FAT3: variants seen among roughly 807,000 people sequenced by gnomAD.
The protein encoded by FAT3 is FAT atypical cadherin 3, also known as protocadherin Fat 3.
In FAT3, 95 loss-of-function variants were observed where a neutral mutation model predicts 310.2. The ratio of observed to expected loss-of-function variants is 0.31; its 90% CI spans 0.26 to 0.36. The LOEUF (loss-of-function observed/expected upper bound fraction) is 0.36. Ranked by LOEUF, FAT3 falls within the 10% of genes least tolerant of loss-of-function variation. FAT3 has a pLI of 1.00. For missense variants in FAT3, 5,408 were observed against 5,715.6 expected, an observed-to-expected ratio of 0.95 and a Z score of 1.74; for synonymous variants, 2,314 against 2,192.9, an observed-to-expected ratio of 1.06 and a Z score of -1.54.
chr11:92,278,800 G>A (rs943836549), intron 1 of FAT3, among the ~76,000 whole-genome samples: 9 of 152,132 alleles, frequency 5.9e-5, no homozygotes, highest in Non-Finnish European at 1.2e-4. Flanking sequence ...GTAGCGATTA[G>A]TAAAGGTATG....
At chr11:92,649,871 GTTCA>G (rs1270899938) in intron 3 of FAT3, among the ~76,000 whole-genome samples, 4,679 of 113,776 alleles carry the variant, frequency 0.041, 216 homozygotes, top group East Asian at 0.07. Flanking sequence ...CACTTTGTAT[GTTCA>G]TATATATATA....
At chr11:92,515,248 T>C (rs1953439734) in intron 2 of FAT3, among the ~76,000 whole-genome samples, 1 of 152,106 alleles carries the variant, frequency 6.6e-6, no homozygotes, top group Non-Finnish European at 1.5e-5. Context: ...TGTTGGGTAA[T>C]GGGTTATGAA....
intron 3 of FAT3, among the ~76,000 whole-genome samples, chr11:92,534,216 A>G (rs1372172985): frequency 1.3e-5 from 2 of 151,964 alleles, no homozygotes; most frequent in Admixed American, 6.6e-5. Flanking sequence ...AGGTCTACTC[A>G]CTGTCTCGAG....
intron 2 of FAT3, among the ~76,000 whole-genome samples, chr11:92,524,006 T>C (rs1953770591): frequency 6.6e-6 from 1 of 152,102 alleles, no homozygotes; most frequent in Admixed American, 6.5e-5. Context: ...ATGGAACTCG[T>C]TTGGAACGTG....
chr11:92,420,846 C>T (rs1445275261), intron 2 of FAT3, among the ~76,000 whole-genome samples: 1 of 152,074 alleles, frequency 6.6e-6, no homozygotes, highest in African/African-American at 2.4e-5. Flanking sequence ...GAAACAGTAA[C>T]TCAATTGATT....
At chr11:92,283,659 C>T (rs1352841579) in intron 1 of FAT3, among the ~76,000 whole-genome samples, 1 of 152,130 alleles carries the variant, frequency 6.6e-6, no homozygotes, top group Admixed American at 6.6e-5. Context: ...CTTGTCTTAC[C>T]CCTTCTCAGT....
Position 92,309,362 on chromosome 11 carries a change from G to A in FAT3, c.-17-42734G>A, listed in dbSNP as rs566985258. ...TCCATACATTGGTGCTTGCACTCTC[G>A]CACTCTTTTACACACACGCATGCAC... On this transcript the variant is annotated intron_variant, in intron 1 of 27. Coordinates refer to ENST00000525166, the MANE Select transcript of FAT3 (RefSeq NM_001367949.2). 1.2e-4 allele frequency among the ~76,000 whole-genome samples: 14 copies of A among 117,836 alleles called. No homozygotes were observed. In the East Asian group the frequency reaches 3.0e-3, roughly 25 times the overall value. The allele number at this position is 117,836 out of a possible 152,430, so 77.3% of individuals were successfully genotyped here.
intron 19 of FAT3, among the ~76,000 whole-genome samples, chr11:92,853,143 T>A (rs1194411038): frequency 6.6e-6 from 1 of 152,206 alleles, no homozygotes; most frequent in Non-Finnish European, 1.5e-5. Flanking sequence ...GAGGGGTGTG[T>A]GGGCCACTGC....
chr11:92,657,406 T>C (rs530949729), intron 3 of FAT3, among the ~76,000 whole-genome samples: 1 of 152,370 alleles, frequency 6.6e-6, no homozygotes, highest in African/African-American at 2.4e-5. Context: ...TTGATTATTC[T>C]CTGCATTGTG....
chr11:92,354,070 T>C lies in FAT3; in HGVS notation c.1958T>C (p.Ile653Thr). The change falls in exon 2 of 28, where the codon ATT (isoleucine) becomes ACT (threonine). Residue 653 changes from isoleucine (I) to threonine (T), a missense_variant. Ile to Thr is a moderately conservative substitution (Grantham distance 89). Around this residue, in one of 5 missense-constraint regions of FAT3, gnomAD observed 4,588 missense variants for 4,809.8 expected, o/e 0.95. Transcript: ENST00000525166. ...AAAAATGGCAATTTTGCCCTCAGAA[T>C]TACAGCAACTGATGGAGAGAATCTT... ...GIKNGNFALR[I>T]TATDGENLAD... The C allele has an allele frequency of 6.2e-7, 1 of 1,613,750 alleles. No homozygotes were observed. Among genetic ancestry groups the C allele is most frequent in the Non-Finnish European group, 8.5e-7 (1 of 1,179,824 alleles).
intron 7 of FAT3, among the ~76,000 whole-genome samples, chr11:92,778,453 T>C (rs1160216510): frequency 6.6e-6 from 1 of 152,172 alleles, no homozygotes; most frequent in East Asian, 1.9e-4. Flanking sequence ...TGCCTTCTTA[T>C]CCAGACCCCT....
chr11:92,612,319 A>C (rs142733250), intron 3 of FAT3, among the ~76,000 whole-genome samples: 8 of 152,364 alleles, frequency 5.3e-5, no homozygotes, highest in African/African-American at 1.7e-4. Flanking sequence ...CCCATGCCCA[A>C]TAATGAGAAT....
In FAT3 at chr11:92,353,699, C is replaced by A; in HGVS notation, c.1587C>A (p.Ser529Arg). ...TTAATCAGTTTACAGGTGTTATTAG[C>A]ACAACTGAAGAACTGGATTTTGAAT... Reference protein sequence around the residue: ...FVINQFTGVISTTEELDFESS... With the variant: ...FVINQFTGVIRTTEELDFESS... The change falls in exon 2 of 28, where the codon AGC (serine) becomes AGA (arginine). Residue 529 changes from serine (S) to arginine (R), a missense_variant. Ser to Arg is a moderately radical substitution (Grantham distance 110). This residue lies in a region of FAT3 where 4,588 missense variants were observed against 4,809.8 expected (regional missense o/e 0.95). Coordinates refer to ENST00000525166, the MANE Select transcript of FAT3 (RefSeq NM_001367949.2). The A allele has an allele frequency of 6.2e-7, 1 of 1,613,898 alleles. No homozygotes were observed. Among genetic ancestry groups the A allele is most frequent in the Non-Finnish European group, 8.5e-7 (1 of 1,179,876 alleles).
At chr11:92,497,756 C>T (rs911750921) in intron 2 of FAT3, among the ~76,000 whole-genome samples, 6 of 152,014 alleles carry the variant, frequency 3.9e-5, no homozygotes, top group African/African-American at 1.4e-4. Context: ...CACTTAAAAG[C>T]AAATTTGGAG....
intron 23 of FAT3, among the ~76,000 whole-genome samples, chr11:92,881,733 T>C (rs1949674423): frequency 6.6e-6 from 1 of 152,068 alleles, no homozygotes; most frequent in African/African-American, 2.4e-5. Context: ...AAAAAGAAGG[T>C]CTATGTTCTC....
chr11:92,678,381 A>G (rs375186507), intron 3 of FAT3, among the ~76,000 whole-genome samples: 8 of 152,078 alleles, frequency 5.3e-5, no homozygotes, highest in East Asian at 3.9e-4. Context: ...CTTTTGATTC[A>G]GTTCTAGGAA....
At chr11:92,517,037 G>A (rs994879817) in intron 2 of FAT3, among the ~76,000 whole-genome samples, 6 of 152,076 alleles carry the variant, frequency 3.9e-5, no homozygotes, top group African/African-American at 1.4e-4. Context: ...AATAAATATC[G>A]TGAAAACGGC....
At chr11:92,422,076 C>T (rs1181040069) in intron 2 of FAT3, among the ~76,000 whole-genome samples, 6 of 152,152 alleles carry the variant, frequency 3.9e-5, no homozygotes, top group Non-Finnish European at 7.4e-5. Flanking sequence ...TTACTGGGCT[C>T]TCTGGTCAAC....
chr11:92,463,692 A>C (rs1164649395), intron 2 of FAT3, among the ~76,000 whole-genome samples: 1 of 152,008 alleles, frequency 6.6e-6, no homozygotes, highest in Non-Finnish European at 1.5e-5. Context: ...TAATTTTTGG[A>C]ATCTGTATTT....
Sources: gnomAD v4.1 joint callset for allele counts (sites outside exome capture counted in the v4.1 genomes callset) on GRCh38, gnomAD v4.1.1 for gene constraint, gnomAD v4.1.1 regional missense constraint, MANE v1.5 for transcripts, NCBI Gene and HGNC (gene_info 2026-07-23, HGNC 2026-07-21) for gene names.